The following CPA3 variants were observed in gnomAD, a reference collection of about 807,000 sequenced individuals.
CPA3 encodes carboxypeptidase A3, also known as mast cell carboxypeptidase A.
In CPA3, 52 loss-of-function variants were observed where a neutral mutation model predicts 55.8. The observed-to-expected ratio is 0.93, with a 90% CI of 0.75 to 1.17. The LOEUF (loss-of-function observed/expected upper bound fraction) is 1.17, where lower values mean the gene tolerates loss of function less well. Among genes scored for constraint, CPA3 ranks in the 50% most tolerant of loss-of-function variants. The pLI is 0.00. For synonymous variants in CPA3, 179 were observed against 171.2 expected (o/e 1.05, Z -0.36); for missense variants, 547 against 509.1 (o/e 1.07, Z -0.72).
At chr3:148,889,605 C>T (rs1714616179) in intron 10 of CPA3, among the ~76,000 whole-genome samples, 1 of 152,072 alleles carries the variant, frequency 6.6e-6, no homozygotes, top group African/African-American at 2.4e-5. Flanking sequence ...GGCCTGGTGG[C>T]TCACTTTTGT....
intron 3 of CPA3, among the ~76,000 whole-genome samples, chr3:148,876,076 TA>T (rs1224338871): frequency 6.6e-6 from 1 of 151,958 alleles, no homozygotes; most frequent in African/African-American, 2.4e-5. Context: ...CTAAAATTCT[TA>T]AAAGTATAAA....
intron 8 of CPA3, among the ~76,000 whole-genome samples, chr3:148,882,851 C>A (rs942107667): frequency 2.0e-5 from 3 of 151,886 alleles, no homozygotes; most frequent in Non-Finnish European, 4.4e-5. Flanking sequence ...TAAGCACAAT[C>A]CAAATGTATA....
intron 10 of CPA3, among the ~76,000 whole-genome samples, chr3:148,888,974 A>G (rs1253899114): frequency 6.6e-6 from 1 of 152,236 alleles, no homozygotes; most frequent in Non-Finnish European, 1.5e-5. Flanking sequence ...CCATAGCTCC[A>G]TGCCATCATG....
At chr3:148,887,934 C>T (rs1025957050) in intron 10 of CPA3, among the ~76,000 whole-genome samples, 2 of 152,196 alleles carry the variant, frequency 1.3e-5, no homozygotes, top group Non-Finnish European at 2.9e-5. Context: ...CACAACAGTA[C>T]TGGACTTGAT....
intron 10 of CPA3, among the ~76,000 whole-genome samples, chr3:148,890,325 A>G (rs1714635963): frequency 6.6e-6 from 1 of 152,212 alleles, no homozygotes; most frequent in African/African-American, 2.4e-5. Context: ...AGTTGATAAG[A>G]ACCAAGATTG....
rs80204991 is a variant in CPA3, at chr3:148,866,563, C to T, written c.144+1015C>T. 3.3e-5 allele frequency among the ~76,000 whole-genome samples: 5 copies of T among 152,330 alleles called. No individual in the cohort carries two copies. In the East Asian group the frequency reaches 9.6e-4, roughly 29 times the overall value. On this transcript the variant is annotated intron_variant, in intron 2 of 10. Coordinates refer to ENST00000296046, the MANE Select transcript of CPA3 (RefSeq NM_001870.4). ...AAAGCATTTTCTTCAAAGTCAAACGCTTACATTCAAATCCAAGCTCTACGC... is the reference window on the plus strand; with the variant it reads ...AAAGCATTTTCTTCAAAGTCAAACGTTTACATTCAAATCCAAGCTCTACGC...
chr3:148,888,909 A>G (rs1394729592), intron 10 of CPA3, among the ~76,000 whole-genome samples: 1 of 152,216 alleles, frequency 6.6e-6, no homozygotes, highest in Non-Finnish European at 1.5e-5. Flanking sequence ...AGGACACAAT[A>G]AACTACTCTT....
intron 10 of CPA3, among the ~76,000 whole-genome samples, chr3:148,887,009 T>A (rs1233652771): frequency 6.6e-6 from 1 of 152,242 alleles, no homozygotes; most frequent in Non-Finnish European, 1.5e-5. Flanking sequence ...CATTTCTTAC[T>A]CTTCCCTATT....
intron 6 of CPA3, among the ~76,000 whole-genome samples, chr3:148,880,176 A>C (rs969385846): frequency 5.3e-5 from 8 of 152,326 alleles, no homozygotes; most frequent in Non-Finnish European, 8.8e-5. Context: ...GAAAATCTGA[A>C]ACAACCTTCA....
At chr3:148,871,943 A>G (rs1714078803) in intron 3 of CPA3, among the ~76,000 whole-genome samples, 1 of 152,344 alleles carries the variant, frequency 6.6e-6, no homozygotes, top group South Asian at 2.1e-4. Flanking sequence ...AAAGAGTTCT[A>G]AGAACAGAAA....
rs371520216 is a variant in CPA3 at position 148,883,846 on chromosome 3, T to C, written c.981+31T>C. Reference sequence around the variant, plus strand: ...TAGACAAAAGTTTGCACTTCATGCATCGACAATACCATTGACTTTCAGTCT... The same window carrying C: ...TAGACAAAAGTTTGCACTTCATGCACCGACAATACCATTGACTTTCAGTCT... On this transcript the variant is annotated intron_variant, in intron 9 of 10. Transcript: ENST00000296046. The C allele has an allele frequency of 3.4e-6, 5 of 1,473,796 alleles. No homozygotes were observed. In the African/African-American group the frequency reaches 5.6e-5, roughly 16 times the overall value. 91.3% of individuals were successfully genotyped at this position (1,473,796 alleles called of 1,614,324 possible).
At chr3:148,883,081 T>A (rs1332746275) in intron 8 of CPA3, among the ~76,000 whole-genome samples, 2 of 152,218 alleles carry the variant, frequency 1.3e-5, no homozygotes, top group African/African-American at 4.8e-5. Flanking sequence ...ACTTCATCAC[T>A]GCACACTTTC....
intron 2 of CPA3, among the ~76,000 whole-genome samples, chr3:148,866,508 G>T (rs959580473): frequency 2.0e-5 from 3 of 152,206 alleles, no homozygotes; most frequent in Admixed American, 6.5e-5. Context: ...CCGTTTGAGG[G>T]TCATTACTAA....
In CPA3 at chr3:148,882,582, T is replaced by A; in HGVS notation, c.765T>A (p.Asn255Lys). Residue 255 changes from asparagine (N) to lysine (K), a missense_variant, in exon 8 of 11, where the codon AAT (asparagine) becomes AAA (lysine). By Grantham distance (94) the Asn-to-Lys change is moderately conservative (BLOSUM62 0). Coordinates refer to ENST00000296046, the MANE Select transcript of CPA3 (RefSeq NM_001870.4). ...CIGTDLNRNF[N>K]ASWNSIPNTN... is the part of the protein sequence containing the mutation. ...GCACTGACCTCAACAGGAATTTTAA[T>A]GCTTCATGGAACTGTGAGTAGCAGA... The A allele has an allele frequency of 6.2e-7, 1 of 1,613,572 alleles. No homozygotes were observed. The highest frequency in any genetic ancestry group is 8.5e-7 in the Non-Finnish European group (1 of 1,179,614).
intron 10 of CPA3, among the ~76,000 whole-genome samples, chr3:148,894,570 TTCAACAATA>T (rs1714774256): frequency 1.3e-5 from 2 of 152,056 alleles, no homozygotes; most frequent in African/African-American, 4.8e-5. Context: ...TAAATTATAA[TTCAACAATA>T]TGCTGTTTAT....
chr3:148,885,216 G>T (rs1714494972), intron 9 of CPA3, among the ~76,000 whole-genome samples: 1 of 151,850 alleles, frequency 6.6e-6, no homozygotes, highest in Non-Finnish European at 1.5e-5. Flanking sequence ...AGGGACCAAG[G>T]AATGTAAAAC....
intron 1 of CPA3, 36 bp downstream of exon 1, chr3:148,865,411 G>A: frequency 6.2e-7 from 1 of 1,613,016 alleles, no homozygotes; most frequent in African/African-American, 1.3e-5. Flanking sequence ...TCTCTGTGTA[G>A]AAGAGAATTA....
chr3:148,888,811 A>G (rs1714598387), intron 10 of CPA3, among the ~76,000 whole-genome samples: 2 of 152,248 alleles, frequency 1.3e-5, no homozygotes, highest in Admixed American at 6.5e-5. Flanking sequence ...ATAGCATTGC[A>G]TTAAGACCTC....
intron 10 of CPA3, among the ~76,000 whole-genome samples, chr3:148,886,392 C>G (rs1282965552): frequency 6.6e-6 from 1 of 152,144 alleles, no homozygotes; most frequent in Non-Finnish European, 1.5e-5. Flanking sequence ...TTATACTGAA[C>G]TTTTACAGGG....
Sources: gnomAD v4.1 joint callset for allele counts (sites outside exome capture counted in the v4.1 genomes callset) on GRCh38, gnomAD v4.1.1 for gene constraint, MANE v1.5 for transcripts, NCBI Gene and HGNC (gene_info 2026-07-23, HGNC 2026-07-21) for gene names.